Variants in ZNF236 observed in about 807,000 individuals in gnomAD.
ZNF236 encodes the protein regulated by glucose.
A neutral mutation model predicts 191.2 loss-of-function variants in ZNF236; 50 were observed. The ratio of observed to expected loss-of-function variants is 0.26; its 90% CI spans 0.21 to 0.33. The LOEUF (loss-of-function observed/expected upper bound fraction) is 0.33. Among genes scored for constraint, ZNF236 ranks in the 10% least tolerant of loss-of-function variants. ZNF236 has a pLI of 1.00. For missense variants in ZNF236, 1,754 were observed against 2,374.5 expected, an observed-to-expected ratio of 0.74 and a Z score of 5.43; for synonymous variants, 907 against 928.8, an observed-to-expected ratio of 0.98 and a Z score of 0.43.
chr18:76,895,527 A>G (rs894296242), intron 10 of ZNF236: 32 of 613,166 alleles, frequency 5.2e-5, no homozygotes, highest in South Asian at 4.9e-4. Flanking sequence ...CAGATACCGC[A>G]CACAGTACCC....
chr18:76,913,511 C>T (rs1967273435), intron 17 of ZNF236, among the ~76,000 whole-genome samples: 1 of 152,196 alleles, frequency 6.6e-6, no homozygotes, highest in Non-Finnish European at 1.5e-5. Context: ...TTAAGTAATA[C>T]ATTTAAGACT....
At chr18:76,873,784 T>C (rs913990993) in intron 5 of ZNF236, among the ~76,000 whole-genome samples, 2 of 152,078 alleles carry the variant, frequency 1.3e-5, no homozygotes, top group African/African-American at 4.8e-5. Flanking sequence ...TCGCCGTGCC[T>C]CCTGCCTGCC....
At chr18:76,837,441 T>TC (rs1365730667) in intron 1 of ZNF236, among the ~76,000 whole-genome samples, 12 of 142,540 alleles carry the variant, frequency 8.4e-5, no homozygotes, top group South Asian at 6.8e-4. Context: ...CTTTTTCTTT[T>TC]TTTTTTTTTT....
chr18:76,866,796 C>T (rs1455624309), intron 3 of ZNF236, among the ~76,000 whole-genome samples: 1 of 152,156 alleles, frequency 6.6e-6, no homozygotes, highest in African/African-American at 2.4e-5. Flanking sequence ...TACAGAAGAA[C>T]ACTTCCTCAA....
chr18:76,871,922 T>C, intron 5 of ZNF236, 97 bp downstream of exon 5: 1 of 1,449,036 alleles, frequency 6.9e-7, no homozygotes, highest in Admixed American at 1.9e-5. Context: ...ATCCCAGCTT[T>C]CTCATAGTTT....
chr18:76,833,121 A>G (rs921322840), intron 1 of ZNF236, among the ~76,000 whole-genome samples: 1 of 152,064 alleles, frequency 6.6e-6, no homozygotes, highest in African/African-American at 2.4e-5. Context: ...ATTCTTTTGG[A>G]ATTTTCTCTG....
At position 76,919,733 on chromosome 18, in the gene ZNF236, T is replaced by C; in HGVS notation, c.3275-43T>C. 1 of 1,599,620 alleles carries C rather than the reference T, an allele frequency of 6.3e-7. No individual in the cohort carries two copies. The highest frequency in any genetic ancestry group is 8.6e-7 in the Non-Finnish European group (1 of 1,169,406). Reference sequence around the variant, plus strand: ...AATTGTTTTGCTAAAAACCTAGGTTTTCTTCATTACGATTTTGATCCCTTT... The same window carrying C: ...AATTGTTTTGCTAAAAACCTAGGTTCTCTTCATTACGATTTTGATCCCTTT... On this transcript the variant is annotated intron_variant, in intron 19 of 30. Transcript: ENST00000320610. The surrounding 1 kb of genome is among the most constrained non-coding windows in gnomAD (Gnocchi z 5.3).
Position 76,851,888 on chromosome 18 carries a change from C to G in ZNF236, c.312C>G (p.Phe104Leu), listed in dbSNP as rs1171265617. Residue 104 changes from phenylalanine (F) to leucine (L), a missense_variant, in exon 3 of 31, where the codon TTC (phenylalanine) becomes TTG (leucine). Physicochemically the swap from Phe to Leu is conservative, Grantham distance 22 (BLOSUM62 0). Coordinates refer to ENST00000320610, the MANE Select transcript of ZNF236 (RefSeq NM_001306089.2). ...DPTCPVCNKK[F>L]SRVASLKAHI... ...CCTGCCCTGTGTGTAACAAGAAATT[C>G]TCCAGAGTGGCTAGTCTCAAAGCGC... The G allele has an allele frequency of 6.2e-7, 1 of 1,613,862 alleles. No homozygotes were observed. The highest frequency in any genetic ancestry group is 8.5e-7 in the Non-Finnish European group (1 of 1,179,904).
rs370569215 is a variant in ZNF236, at chr18:76,880,238, G to A, written c.1110G>A (p.Ala370=). ...AGCTCCTGGAGCTCTCAGAGCCGGCGCCGGTGGAGTCGGGGCAGTCCCCGC... is the reference window on the plus strand; with the variant it reads ...AGCTCCTGGAGCTCTCAGAGCCGGCACCGGTGGAGTCGGGGCAGTCCCCGC... ...IQQLLELSEP[A]PVESGQSPQP... Residue 370 remains alanine, a synonymous_variant, in exon 8 of 31, where the codon GCG becomes GCA. Transcript: ENST00000320610. The surrounding 1 kb of genome is among the most constrained non-coding windows in gnomAD (Gnocchi z 5.0). The A allele has an allele frequency of 1.4e-5, 22 of 1,614,012 alleles. No individual in the cohort carries two copies. The African/African-American group carries it at 2.5e-4, about 19-fold the overall frequency.
At chr18:76,902,980 G>A (rs969954755) in intron 11 of ZNF236, among the ~76,000 whole-genome samples, 5 of 152,146 alleles carry the variant, frequency 3.3e-5, no homozygotes, top group Admixed American at 3.3e-4. Flanking sequence ...TGCCTGGAGC[G>A]AGGTCTTTGA....
At chr18:76,905,037 T>C (rs1977701564) in intron 12 of ZNF236, 118 bp from the exon 13 acceptor site, 1 of 1,134,948 alleles carries the variant, frequency 8.8e-7, no homozygotes. Context: ...CCGGCATTGC[T>C]GCTTAGCTTT....
chr18:76,951,903 A>C (rs965010826), intron 27 of ZNF236, among the ~76,000 whole-genome samples: 1 of 152,182 alleles, frequency 6.6e-6, no homozygotes, highest in Non-Finnish European at 1.5e-5. Context: ...TGTCTCAGAG[A>C]ATAGGGAGGC....
chr18:76,959,593 C>G, intron 28 of ZNF236, 94 bp from the exon 29 acceptor site: 1 of 1,430,576 alleles, frequency 7.0e-7, no homozygotes, highest in Non-Finnish European at 9.3e-7. Flanking sequence ...GTCCTTGCCA[C>G]TGACTTGAAC....
chr18:76,867,226 G>GT (rs1263809519), intron 3 of ZNF236, among the ~76,000 whole-genome samples: 5 of 33,620 alleles, frequency 1.5e-4, no homozygotes, highest in Non-Finnish European at 2.8e-4. Context: ...GGACTGCAGA[G>GT]GTTTTTTTTT....
chr18:76,829,846 C>T (rs1172042361), intron 1 of ZNF236, among the ~76,000 whole-genome samples: 3 of 151,998 alleles, frequency 2.0e-5, no homozygotes, highest in African/African-American at 4.8e-5. Flanking sequence ...GCTTCTGATA[C>T]GACATGTTAG....
intron 17 of ZNF236, among the ~76,000 whole-genome samples, 164 bp downstream of exon 17, chr18:76,912,511 GA>G (rs1224569962): frequency 6.6e-6 from 1 of 152,218 alleles, no homozygotes. Flanking sequence ...TGAGACAAAA[GA>G]GATTAACTTG....
intron 1 of ZNF236, among the ~76,000 whole-genome samples, chr18:76,843,757 C>T (rs372416985): frequency 7.3e-5 from 6 of 82,054 alleles, no homozygotes; most frequent in African/African-American, 2.7e-4. Flanking sequence ...GCCTGGGCTA[C>T]AGAGGGAGAC....
intron 1 of ZNF236, among the ~76,000 whole-genome samples, chr18:76,832,814 G>A (rs1396644089): frequency 6.6e-6 from 1 of 151,968 alleles, no homozygotes; most frequent in Non-Finnish European, 1.5e-5. Flanking sequence ...GATAATGTGG[G>A]TGGAACTAAT....
rs17060052 is a variant in ZNF236, at chr18:76,910,622, A to G, written c.2654-38A>G. On this transcript the variant is annotated intron_variant, in intron 15 of 30. Coordinates refer to ENST00000320610, the MANE Select transcript of ZNF236 (RefSeq NM_001306089.2). ...CTTAGAACATTTTAATGTAACTTTA[A>G]TATTTTTGTAGAACTCCTCTTTTCT... is the stretch of plus-strand genomic sequence containing the variant. 10,291 of 1,585,836 alleles carry G rather than the reference A, an allele frequency of 6.5e-3. 461 individuals carry two copies. The African/African-American group carries it at 0.11, about 17-fold the overall frequency.
Sources: gnomAD v4.1 joint callset for allele counts (sites outside exome capture counted in the v4.1 genomes callset) on GRCh38, gnomAD v4.1.1 for gene constraint, Gnocchi (gnomAD v3.1) non-coding constraint, MANE v1.5 for transcripts, NCBI Gene and HGNC (gene_info 2026-07-23, HGNC 2026-07-21) for gene names.